The following FTSJ3 variants were observed in gnomAD, a reference collection of about 807,000 sequenced individuals.
FTSJ3 encodes FtsJ RNA 2'-O-methyltransferase 3.
A neutral mutation model predicts 111.5 loss-of-function variants in FTSJ3; 46 were observed. That is an observed-to-expected ratio of 0.41 (90% confidence interval 0.33 to 0.53). The LOEUF (loss-of-function observed/expected upper bound fraction) is 0.53. Ranked by LOEUF, FTSJ3 falls within the 20% of genes least tolerant of loss-of-function variation. The pLI is 0.19. For missense variants in FTSJ3, 1,075 were observed against 1,063.8 expected (o/e 1.01, Z -0.15); for synonymous variants, 408 against 383.0 (o/e 1.07, Z -0.76).
In FTSJ3 at chr17:63,824,392, T is replaced by C; in HGVS notation, c.937A>G (p.Thr313Ala). 2 of 1,614,124 alleles carry C rather than the reference T, an allele frequency of 1.2e-6. No homozygotes were observed. Among genetic ancestry groups the C allele is most frequent in the Non-Finnish European group, 1.7e-6 (2 of 1,180,028 alleles). ...TTGGCCACATATCGCCGAAGTTTTG[T>C]TCTCCAGTTTAGTAGCGACCTGCCC... ...KELRSLLNWR[T>A]KLRRYVAKKL... The change falls in exon 11 of 21, where the codon ACA becomes GCA. Residue 313 changes from threonine (T) to alanine (A), a missense_variant. Around this residue, in one of 2 missense-constraint regions of FTSJ3, gnomAD observed 867 missense variants for 796.9 expected, o/e 1.09. Coordinates refer to ENST00000427159, the MANE Select transcript of FTSJ3 (RefSeq NM_017647.4).
chr17:63,819,638 C>T lies in FTSJ3; in HGVS notation c.*164G>A. ...CAGGCAGGCAGGAGGACATCCTCCT[C>T]TCTGCTCAGGACCACCACGGGAGTT... is the stretch of plus-strand genomic sequence containing the variant. On this transcript the variant is annotated 3_prime_UTR_variant, in exon 21 of 21. Transcript: ENST00000427159. 2 of 641,088 alleles carry T rather than the reference C, an allele frequency of 3.1e-6. No homozygotes were observed. The highest frequency in any genetic ancestry group is 5.4e-6 in the Non-Finnish European group (2 of 372,930). The allele number at this position is 641,088 out of a possible 1,614,324, so 39.7% of individuals were successfully genotyped here.
Position 63,819,805 on chromosome 17 carries a change from C to T in FTSJ3, c.2541G>A (p.Lys847=). 1 of 1,612,010 alleles carries T rather than the reference C, an allele frequency of 6.2e-7. No homozygotes were observed. The highest frequency in any genetic ancestry group is 8.5e-7 in the Non-Finnish European group (1 of 1,178,788). ...RKEQKKKHKR[K] ...CCTGGGAGCCTGGCAGCTCTGCTTACTTCCGTTTGTGTTTTTTCTTTTGTT... is the reference window on the plus strand; with the variant it reads ...CCTGGGAGCCTGGCAGCTCTGCTTATTTCCGTTTGTGTTTTTTCTTTTGTT... The change falls in exon 21 of 21, where the codon AAG becomes AAA. Residue 847 remains lysine, a synonymous_variant. Transcript: ENST00000427159.
In FTSJ3 at chr17:63,823,785, C is replaced by T. The variant is rs2040071698; in HGVS notation, c.1290+32G>A. 1.9e-6 allele frequency: 3 copies of T among 1,606,940 alleles called. No homozygotes were observed. In the East Asian group the frequency reaches 6.7e-5, roughly 36 times the overall value. On this transcript the variant is annotated intron_variant, in intron 13 of 20. Coordinates refer to ENST00000427159, the MANE Select transcript of FTSJ3 (RefSeq NM_017647.4). ...CAAACACCCAAACAGATCCTTCTGTCTCCTAAACCTGCACCCCCAATGCCG... is the reference window on the plus strand; with the variant it reads ...CAAACACCCAAACAGATCCTTCTGTTTCCTAAACCTGCACCCCCAATGCCG...
At chr17:63,823,220 T>C (rs769661071) in intron 13 of FTSJ3, among the ~76,000 whole-genome samples, 8 of 152,234 alleles carry the variant, frequency 5.3e-5, no homozygotes, top group African/African-American at 4.8e-5. Flanking sequence ...GGAGATCCTC[T>C]ATTCATCTGT....
rs779693529 is a variant in FTSJ3, at chr17:63,820,938, G to A, written c.1973C>T (p.Ala658Val). 1.7e-5 allele frequency: 27 copies of A among 1,613,672 alleles called. No individual in the cohort carries two copies. The highest frequency in any genetic ancestry group is 7.7e-5 in the South Asian group (7 of 91,084). The change falls in exon 18 of 21, where the codon GCG (alanine) becomes GTG (valine). Residue 658 changes from alanine (A) to valine (V), a missense_variant and splice_region_variant. Around this residue, in one of 2 missense-constraint regions of FTSJ3, gnomAD observed 867 missense variants for 796.9 expected, o/e 1.09. Coordinates refer to ENST00000427159, the MANE Select transcript of FTSJ3 (RefSeq NM_017647.4). Reference protein sequence around the residue: ...GFEIVPIEDPAKHRILDPEGL... With the variant: ...GFEIVPIEDPVKHRILDPEGL... Reference sequence around the variant, plus strand: ...TTCGGGGTCCAGTATCCGATGTTTCGCTAGAGAGGGAAGGAGAAAGGTCAA... The same window carrying A: ...TTCGGGGTCCAGTATCCGATGTTTCACTAGAGAGGGAAGGAGAAAGGTCAA...
intron 14 of FTSJ3, 56 bp downstream of exon 14, chr17:63,821,928 A>C (rs999485935): frequency 1.6e-5 from 25 of 1,612,176 alleles, no homozygotes; most frequent in African/African-American, 5.3e-5. Context: ...GGTAGTACCC[A>C]CCCTAACACT....
chr17:63,820,814 C>T (rs974075865), intron 18 of FTSJ3, 25 bp downstream of exon 18: 2 of 1,557,774 alleles, frequency 1.3e-6, no homozygotes, highest in Non-Finnish European at 1.8e-6. Flanking sequence ...CTGGGTCACT[C>T]TTGATGAGTT....
chr17:63,824,056 CT>C, intron 12 of FTSJ3, 27 bp downstream of exon 12: 1 of 1,614,068 alleles, frequency 6.2e-7, no homozygotes, highest in East Asian at 2.2e-5. Flanking sequence ...CGTTGGGGAA[CT>C]CCAAGCTCTA....
In FTSJ3 at chr17:63,825,988, C is replaced by T. The variant is rs368863537; in HGVS notation, c.300+68G>A. The T allele has an allele frequency of 1.0e-4, 135 of 1,352,556 alleles. 1 individual carries two copies. In the African/African-American group the frequency reaches 1.7e-3, roughly 17 times the overall value. The allele number at this position is 1,352,556 out of a possible 1,614,324, so 83.8% of individuals were successfully genotyped here. On this transcript the variant is annotated intron_variant, in intron 5 of 20. Coordinates refer to ENST00000427159, the MANE Select transcript of FTSJ3 (RefSeq NM_017647.4). ...AGCACGGTAAAAAGGAAAAACTTGC[C>T]TTTAGAGGATTTCAGGGATGTAGAT...
In FTSJ3 at chr17:63,824,430, T is replaced by C. The variant is rs2040078835; in HGVS notation, c.918-19A>G. 1 of 1,612,248 alleles carries C rather than the reference T, an allele frequency of 6.2e-7. No individual in the cohort carries two copies. Among genetic ancestry groups the C allele is most frequent in the Non-Finnish European group, 8.5e-7 (1 of 1,178,294 alleles). ...TAGCGACCTGCCCCAGAGATACTAT[T>C]ACTGATCTTGCCATCTCCCTCTTTG... On this transcript the variant is annotated intron_variant, in intron 10 of 20. Transcript: ENST00000427159.
chr17:63,825,995 G>A (rs2040097291), intron 5 of FTSJ3, 61 bp downstream of exon 5: 4 of 1,393,234 alleles, frequency 2.9e-6, no homozygotes, highest in Non-Finnish European at 3.0e-6. Flanking sequence ...TGCCTTTAGA[G>A]GATTTCAGGG....
chr17:63,822,298 G>C (rs1392467204), intron 13 of FTSJ3, 130 bp from the exon 14 acceptor site: 1 of 750,752 alleles, frequency 1.3e-6, no homozygotes, highest in African/African-American at 1.8e-5. Context: ...TCCTTTCACA[G>C]ATGGGAAAGC....
In FTSJ3 at chr17:63,822,114, C is replaced by G. The variant is rs550844629; in HGVS notation, c.1345G>C (p.Asp449His). ...ACATAGATATCATCCCTTGGCAGATCGGACAGAAATGTGTCTGCTGCACTC... is the reference window on the plus strand; with the variant it reads ...ACATAGATATCATCCCTTGGCAGATGGGACAGAAATGTGTCTGCTGCACTC... ...DMSAADTFLS[D>H]LPRDDIYVSD... Residue 449 changes from aspartate to histidine, a missense_variant, in exon 14 of 21, where the codon GAT becomes CAT. Around this residue, in one of 2 missense-constraint regions of FTSJ3, gnomAD observed 867 missense variants for 796.9 expected, o/e 1.09. Transcript: ENST00000427159. The G allele has an allele frequency of 5.2e-5, 84 of 1,614,036 alleles. No homozygotes were observed. The highest frequency in any genetic ancestry group is 5.8e-5 in the Non-Finnish European group (68 of 1,180,006).
chr17:63,821,648 G>A lies in FTSJ3; in HGVS notation c.1597-5C>T, dbSNP rs960135612. Reference sequence around the variant, plus strand: ...CTCGATCCCAGCAAAGCTGCCCTGTGATAGGAGAACATCAGCTGCCCTTCT... The same window carrying A: ...CTCGATCCCAGCAAAGCTGCCCTGTAATAGGAGAACATCAGCTGCCCTTCT... On this transcript the variant is annotated splice_region_variant and splice_polypyrimidine_tract_variant and intron_variant, in intron 15 of 20. Transcript: ENST00000427159. 1 of 1,613,358 alleles carries A rather than the reference G, an allele frequency of 6.2e-7. No homozygotes were observed. Among genetic ancestry groups the A allele is most frequent in the Non-Finnish European group, 8.5e-7 (1 of 1,179,498 alleles).
chr17:63,826,212 A>C (rs770462650), intron 4 of FTSJ3, 46 bp downstream of exon 4: 3 of 1,609,824 alleles, frequency 1.9e-6, no homozygotes, highest in Non-Finnish European at 2.6e-6. Context: ...AAAATACCTT[A>C]TACACCCACC....
chr17:63,820,083 G>A lies in FTSJ3; in HGVS notation c.2347C>T (p.Arg783Ter), dbSNP rs748401152. ...TTTGTGGTGTCCTCCCATTACCTTC[G>A]CAGCTGTGCCACTTTCTCTCGTTCT... ...ISEREKVAQLRSLYKKAGLGK... is the reference protein window; with the variant it reads ...ISEREKVAQL Residue 783 changes from arginine (R) to a stop codon, truncating the protein, a stop_gained, in exon 20 of 21, where the codon CGA becomes TGA. Coordinates refer to ENST00000427159, the MANE Select transcript of FTSJ3 (RefSeq NM_017647.4). LOFTEE classifies it high-confidence loss of function. 10 of 1,613,860 alleles carry A rather than the reference G, an allele frequency of 6.2e-6. No individual in the cohort carries two copies. The highest frequency in any genetic ancestry group is 5.3e-5 in the African/African-American group (4 of 74,824).
At chr17:63,825,738 TGCAGTACCAG>T in intron 5 of FTSJ3, 103 bp from the exon 6 acceptor site, 1 of 954,160 alleles carries the variant, frequency 1.0e-6, no homozygotes, top group Non-Finnish European at 1.6e-6. Context: ...ATGGGCCAAA[TGCAGTACCAG>T]GCACAGGAGA....
chr17:63,820,202 T>TGGGGGGGGGGGGGGGGCCC, intron 19 of FTSJ3, 29 bp from the exon 20 acceptor site: 1 of 1,593,212 alleles, frequency 6.3e-7, no homozygotes, highest in Non-Finnish European at 8.6e-7. Context: ...GGTGACCTCT[T>TGGGGGGGGGGGGGGGGCCC]CCCCATCCCC....
chr17:63,825,872 A>C (rs949456161), intron 5 of FTSJ3, 184 bp downstream of exon 5: 1 of 639,918 alleles, frequency 1.6e-6, no homozygotes, highest in Non-Finnish European at 2.7e-6. Context: ...AATTCCAAAC[A>C]CCTTTATCCC....
Sources: allele counts gnomAD v4.1 joint callset (sites outside exome capture counted in the v4.1 genomes callset), GRCh38; gene constraint gnomAD v4.1.1; regional missense constraint gnomAD v4.1.1; transcripts MANE v1.5; gene names NCBI Gene and HGNC (gene_info 2026-07-23, HGNC 2026-07-21).